SLC25A30: variants seen among roughly 807,000 people sequenced by gnomAD.
The protein encoded by SLC25A30 is kidney mitochondrial carrier protein 1.
SLC25A30 carries 29 observed loss-of-function variants against 42.7 expected under a neutral mutation model. The observed-to-expected ratio is 0.68, with a 90% CI of 0.51 to 0.93. The LOEUF is 0.93. Ranked by LOEUF, SLC25A30 falls within the 40% of genes least tolerant of loss-of-function variation. SLC25A30 has a pLI of 0.00. For synonymous variants in SLC25A30, 124 were observed against 131.0 expected (o/e 0.95, Z 0.37); for missense variants, 300 against 359.7 (o/e 0.83, Z 1.34).
intron 2 of SLC25A30, 37 bp downstream of exon 2, chr13:45,411,325 C>T: frequency 7.2e-7 from 1 of 1,380,570 alleles, no homozygotes; most frequent in Non-Finnish European, 1.0e-6. Context: ...CCATCACATA[C>T]AGCAGGCTAC....
At chr13:45,425,136 A>ATACATATATAT in the SLC25A30 span, among the ~76,000 whole-genome samples, 1 of 92,462 alleles carries the variant, frequency 1.1e-5, no homozygotes, top group African/African-American at 4.5e-5. Flanking sequence ...ATAAGTATAT[A>ATACATATATAT]AATATATATA....
chr13:45,432,236 C>T, the SLC25A30 span, among the ~76,000 whole-genome samples: 1 of 149,820 alleles, frequency 6.7e-6, no homozygotes. Flanking sequence ...TATCACTGCA[C>T]TGTGGCCTGG....
the SLC25A30 span, among the ~76,000 whole-genome samples, chr13:45,424,817 AAT>A: frequency 5.0e-5 from 3 of 60,236 alleles, 1 homozygote; most frequent in South Asian, 5.0e-4. Flanking sequence ...AAAAAATATA[AAT>A]ATATAAAAAT....
intron 8 of SLC25A30, chr13:45,397,967 G>C: frequency 1.0e-6 from 1 of 985,434 alleles, no homozygotes; most frequent in South Asian, 4.7e-5. Flanking sequence ...CACAAATAAA[G>C]AAGCAATAGT....
chr13:45,429,056 C>CTT, the SLC25A30 span, among the ~76,000 whole-genome samples: 144 of 93,844 alleles, frequency 1.5e-3, 7 homozygotes, highest in Middle Eastern at 7.2e-3. Flanking sequence ...TGTGCAAGCT[C>CTT]TTTTTTTTTT....
At chr13:45,433,633 C>G in the SLC25A30 span, among the ~76,000 whole-genome samples, 1 of 152,196 alleles carries the variant, frequency 6.6e-6, no homozygotes, top group African/African-American at 2.4e-5. Flanking sequence ...TGAACATAAC[C>G]ATGACATTTC....
At chr13:45,413,944 C>T (rs1487591019) in intron 1 of SLC25A30, among the ~76,000 whole-genome samples, 1 of 152,186 alleles carries the variant, frequency 6.6e-6, no homozygotes, top group East Asian at 1.9e-4. Flanking sequence ...TCCAGAGGCT[C>T]TGGGTTAATA....
chr13:45,424,589 A>G, the SLC25A30 span, among the ~76,000 whole-genome samples: 1 of 64,382 alleles, frequency 1.6e-5, no homozygotes, highest in East Asian at 3.7e-4. Flanking sequence ...ATATATATAA[A>G]TATATATAAA....
the SLC25A30 span, among the ~76,000 whole-genome samples, chr13:45,432,343 A>G: frequency 1.3e-5 from 2 of 152,124 alleles, no homozygotes; most frequent in Admixed American, 6.6e-5. Flanking sequence ...GAAGTAAAAT[A>G]AATAGACATA....
the SLC25A30 span, among the ~76,000 whole-genome samples, chr13:45,423,741 A>AATATATAAATATATATAAATATATAAAT: frequency 1.0e-4 from 2 of 19,636 alleles, no homozygotes; most frequent in Non-Finnish European, 1.6e-4. Flanking sequence ...AATATATATA[A>AATATATAAATATATATAAATATATAAAT]ATATATAAAT....
the SLC25A30 span, among the ~76,000 whole-genome samples, chr13:45,433,193 A>C: frequency 1.1e-4 from 16 of 152,198 alleles, no homozygotes; most frequent in Non-Finnish European, 1.9e-4. Flanking sequence ...TATCACAGGC[A>C]AAGTTTAAAG....
At chr13:45,429,941 GA>G in the SLC25A30 span, among the ~76,000 whole-genome samples, 1 of 150,298 alleles carries the variant, frequency 6.7e-6, no homozygotes, top group Non-Finnish European at 1.5e-5. Flanking sequence ...ATATTGCCAA[GA>G]AAAAAAAATG....
intron 5 of SLC25A30, chr13:45,402,623 A>G (rs1159855568): frequency 3.1e-6 from 1 of 326,546 alleles, no homozygotes; most frequent in Non-Finnish European, 4.4e-6. Context: ...AGTTCATTAA[A>G]TGTCAAAAGG....
Position 45,411,459 on chromosome 13 carries a change from A to G in SLC25A30, c.-34T>C. 1.2e-6 allele frequency: 2 copies of G among 1,611,882 alleles called. No homozygotes were observed. The highest frequency in any genetic ancestry group is 1.1e-5 in the South Asian group (1 of 90,990). ...TGTCTCTTCTTTGATTTATAGAAAC[A>G]TTGCCTCCAGTGCTGTTTTTCCTGG... On this transcript the variant is annotated 5_prime_UTR_variant, in exon 2 of 10. It removes an upstream start codon present in the reference 5' UTR. Coordinates refer to ENST00000519676, the MANE Select transcript of SLC25A30 (RefSeq NM_001010875.4).
the SLC25A30 span, among the ~76,000 whole-genome samples, chr13:45,430,226 T>C: frequency 6.6e-6 from 1 of 150,476 alleles, no homozygotes; most frequent in Non-Finnish European, 1.5e-5. Context: ...GTAATTATAA[T>C]GAAATGATAG....
chr13:45,414,619 AACACACACACACACATACACACACACAC>A (rs1173837745), intron 1 of SLC25A30, among the ~76,000 whole-genome samples: 3 of 110,412 alleles, frequency 2.7e-5, no homozygotes, highest in African/African-American at 1.2e-4. Flanking sequence ...CTTTGTCTCA[AACACACACACACACATACACACACACAC>A]ACACACACAC....
intron 2 of SLC25A30, among the ~76,000 whole-genome samples, chr13:45,410,167 A>T (rs1419892407): frequency 2.0e-5 from 3 of 152,244 alleles, no homozygotes; most frequent in Non-Finnish European, 2.9e-5. Flanking sequence ...AACAAACAGG[A>T]TCTGATGTGG....
chr13:45,432,090 T>A, the SLC25A30 span, among the ~76,000 whole-genome samples: 208 of 151,914 alleles, frequency 1.4e-3, 1 homozygote, highest in African/African-American at 4.6e-3. Context: ...GCTAACATAG[T>A]GAAACCCCGT....
chr13:45,424,773 TATATATAAATATATAAAAGA>T, the SLC25A30 span, among the ~76,000 whole-genome samples: 2 of 60,164 alleles, frequency 3.3e-5, no homozygotes, highest in African/African-American at 1.2e-4. Flanking sequence ...TATAAATATA[TATATATAAATATATAAAAGA>T]ATATAAATAT....
Sources: allele counts gnomAD v4.1 joint callset (sites outside exome capture counted in the v4.1 genomes callset), GRCh38; gene constraint gnomAD v4.1.1; transcripts MANE v1.5; gene names NCBI Gene and HGNC (gene_info 2026-07-23, HGNC 2026-07-21).